HPSE2: variants seen among roughly 807,000 people sequenced by gnomAD.
HPSE2 encodes the protein inactive heparanase-2.
Under a neutral mutation model 60.5 loss-of-function variants are expected in HPSE2, and 38 were observed. The observed-to-expected ratio is 0.63, with a 90% CI of 0.48 to 0.82. The LOEUF is 0.82. Among genes scored for constraint, HPSE2 ranks in the 40% least tolerant of loss-of-function variants. The probability of loss-of-function intolerance (pLI) is 0.00; values close to 1 mark genes in which losing one functional copy is unlikely to be tolerated. For missense variants in HPSE2, 713 were observed against 740.4 expected (o/e 0.96, Z 0.43); for synonymous variants, 295 against 293.2 (o/e 1.01, Z -0.06).
chr10:99,109,488 G>T (rs1188695068), intron 3 of HPSE2, among the ~76,000 whole-genome samples: 1 of 152,066 alleles, frequency 6.6e-6, no homozygotes, highest in African/African-American at 2.4e-5. Context: ...GCACAGGGTG[G>T]AATAGATTAT....
At chr10:99,168,166 T>G (rs547227522) in intron 2 of HPSE2, among the ~76,000 whole-genome samples, 16 of 151,306 alleles carry the variant, frequency 1.1e-4, no homozygotes, top group Non-Finnish European at 2.2e-4. Flanking sequence ...ATTTATACAT[T>G]AATTTGGAGA....
At chr10:98,981,837 T>G (rs1231596251) in intron 3 of HPSE2, among the ~76,000 whole-genome samples, 3 of 152,030 alleles carry the variant, frequency 2.0e-5, no homozygotes, top group Non-Finnish European at 2.9e-5. Context: ...ACCTTTACAC[T>G]TATATATTCT....
At chr10:99,103,868 G>T (rs1844124817) in intron 3 of HPSE2, among the ~76,000 whole-genome samples, 1 of 152,052 alleles carries the variant, frequency 6.6e-6, no homozygotes, top group Non-Finnish European at 1.5e-5. Context: ...AACCTGACAA[G>T]AACAAGAAAT....
At position 98,940,816 on chromosome 10, in the gene HPSE2, T is replaced by A. The variant is rs1454417753; in HGVS notation, c.611-196760A>T. 5.7e-5 allele frequency among the ~76,000 whole-genome samples: 8 copies of A among 141,036 alleles called. 2 individuals carry two copies. Among genetic ancestry groups the A allele is most frequent in the African/African-American group, 2.4e-4 (8 of 33,618 alleles). The allele number at this position is 141,036 out of a possible 152,430, so 92.5% of individuals were successfully genotyped here. The stretch of plus-strand genomic sequence containing the variant: ...TTTAAACCAATATCCTTGATGAACA[T>A]TGATGCAAAAATCCTCAATAAAATA... On this transcript the variant is annotated intron_variant, in intron 3 of 11. Transcript: ENST00000370552.
At chr10:98,884,199 T>C (rs547435057) in intron 3 of HPSE2, among the ~76,000 whole-genome samples, 3 of 152,274 alleles carry the variant, frequency 2.0e-5, no homozygotes, top group Non-Finnish European at 4.4e-5. Flanking sequence ...GTGAGGAAGC[T>C]GCTGAAGAAA....
At chr10:98,968,333 T>A (rs1955865482) in intron 3 of HPSE2, among the ~76,000 whole-genome samples, 1 of 152,212 alleles carries the variant, frequency 6.6e-6, no homozygotes, top group Admixed American at 6.5e-5. Context: ...ATGGCCATAA[T>A]TTAAAAACCA....
intron 3 of HPSE2, among the ~76,000 whole-genome samples, chr10:98,972,487 A>C (rs142835127): frequency 6.6e-6 from 1 of 152,240 alleles, no homozygotes; most frequent in East Asian, 1.9e-4. Context: ...ATATTCACTT[A>C]CTTTTTCTTC....
At chr10:98,661,570 T>C (rs1947225635) in intron 6 of HPSE2, among the ~76,000 whole-genome samples, 1 of 152,232 alleles carries the variant, frequency 6.6e-6, no homozygotes, top group African/African-American at 2.4e-5. Context: ...TAATATTCTA[T>C]GCACATTGTT....
At chr10:99,107,176 C>A (rs1314942752) in intron 3 of HPSE2, among the ~76,000 whole-genome samples, 3 of 152,128 alleles carry the variant, frequency 2.0e-5, no homozygotes, top group African/African-American at 4.8e-5. Context: ...TGGCCTCTGA[C>A]TCTTAAGTTT....
intron 9 of HPSE2, among the ~76,000 whole-genome samples, chr10:98,552,303 A>G (rs1055203026): frequency 1.2e-4 from 6 of 51,870 alleles, no homozygotes; most frequent in Non-Finnish European, 3.2e-4. Flanking sequence ...GATCATCATC[A>G]TCATCATCAT....
At chr10:98,625,799 A>T (rs1946191560) in intron 7 of HPSE2, among the ~76,000 whole-genome samples, 1 of 152,134 alleles carries the variant, frequency 6.6e-6, no homozygotes, top group Non-Finnish European at 1.5e-5. Flanking sequence ...TGATCTATAT[A>T]CACATTTAAA....
At chr10:99,196,640 T>C (rs1202659259) in intron 2 of HPSE2, among the ~76,000 whole-genome samples, 1 of 152,056 alleles carries the variant, frequency 6.6e-6, no homozygotes. Context: ...ATCAGAAACA[T>C]GCAAATCAAA....
At chr10:98,943,842 C>T (rs1480526319) in intron 3 of HPSE2, among the ~76,000 whole-genome samples, 1 of 152,128 alleles carries the variant, frequency 6.6e-6, no homozygotes, top group Non-Finnish European at 1.5e-5. Flanking sequence ...AGACTGCTGC[C>T]TCAGCCAATA....
At chr10:99,061,083 A>T (rs1011713612) in intron 3 of HPSE2, among the ~76,000 whole-genome samples, 2 of 152,184 alleles carry the variant, frequency 1.3e-5, no homozygotes, top group Non-Finnish European at 2.9e-5. Context: ...AAAGAATTCA[A>T]GGTAATTAAT....
At chr10:98,852,165 G>A (rs1045943036) in intron 3 of HPSE2, among the ~76,000 whole-genome samples, 6 of 119,342 alleles carry the variant, frequency 5.0e-5, no homozygotes, top group African/African-American at 7.4e-5. Flanking sequence ...GTGTGTGTGT[G>A]TATATATGTT....
At chr10:99,148,304 A>G (rs940114943) in intron 2 of HPSE2, among the ~76,000 whole-genome samples, 4 of 152,246 alleles carry the variant, frequency 2.6e-5, no homozygotes, top group African/African-American at 9.6e-5. Context: ...CTGTTATTGT[A>G]CAGATACACA....
chr10:98,582,940 C>A (rs1944842693), intron 9 of HPSE2, among the ~76,000 whole-genome samples: 1 of 152,142 alleles, frequency 6.6e-6, no homozygotes. Flanking sequence ...TTCTCCTCTG[C>A]AATCCCTGGC....
intron 3 of HPSE2, among the ~76,000 whole-genome samples, chr10:98,941,077 G>A (rs560613848): frequency 7.1e-6 from 1 of 141,262 alleles, no homozygotes; most frequent in Non-Finnish European, 1.5e-5. Context: ...TTGATGGGAC[G>A]TATCTCAAAA....
At chr10:98,981,333 G>A (rs1222139454) in intron 3 of HPSE2, among the ~76,000 whole-genome samples, 1 of 151,986 alleles carries the variant, frequency 6.6e-6, no homozygotes, top group Non-Finnish European at 1.5e-5. Flanking sequence ...CCCTGTCTAG[G>A]TGTCAGAGTC....
Sources: gnomAD v4.1 joint callset for allele counts (sites outside exome capture counted in the v4.1 genomes callset) on GRCh38, gnomAD v4.1.1 for gene constraint, MANE v1.5 for transcripts, NCBI Gene and HGNC (gene_info 2026-07-23, HGNC 2026-07-21) for gene names.